DPF3: variants seen among roughly 807,000 people sequenced by gnomAD.
DPF3 encodes zinc finger protein DPF3.
A neutral mutation model predicts 56.8 loss-of-function variants in DPF3; 18 were observed. That is an observed-to-expected ratio of 0.32 (90% CI 0.22 to 0.47). DPF3 has a LOEUF of 0.47. DPF3 is among the 20% of genes least tolerant of loss of function. The pLI is 1.00. For missense variants in DPF3, 403 were observed against 488.8 expected (o/e 0.82, Z 1.65); for synonymous variants, 188 against 180.2 (o/e 1.04, Z -0.35).
chr14:72,864,550 G>A (rs1047963204), intron 1 of DPF3, among the ~76,000 whole-genome samples: 4 of 152,178 alleles, frequency 2.6e-5, no homozygotes, highest in African/African-American at 9.7e-5. Context: ...TGAGTGACTT[G>A]GGTTGTTTAT....
intron 2 of DPF3, among the ~76,000 whole-genome samples, chr14:72,753,715 T>G (rs2059047558): frequency 6.6e-6 from 1 of 152,164 alleles, no homozygotes; most frequent in Non-Finnish European, 1.5e-5. Context: ...TGGATCTCTA[T>G]CCACTGCCCC....
At chr14:72,709,204 G>A (rs1050862185) in intron 6 of DPF3, among the ~76,000 whole-genome samples, 7 of 152,212 alleles carry the variant, frequency 4.6e-5, no homozygotes, top group African/African-American at 1.4e-4. Context: ...AGCTGAAGAC[G>A]CACATCTGTA....
chr14:72,700,020 C>T (rs1479492021), intron 6 of DPF3, among the ~76,000 whole-genome samples: 1 of 152,172 alleles, frequency 6.6e-6, no homozygotes, highest in Non-Finnish European at 1.5e-5. Flanking sequence ...TTTTACCAGC[C>T]TATTCTGACT....
intron 9 of DPF3, among the ~76,000 whole-genome samples, chr14:72,622,415 A>C (rs1401535821): frequency 1.3e-5 from 2 of 152,184 alleles, no homozygotes; most frequent in Non-Finnish European, 2.9e-5. Flanking sequence ...GCTACAGGAC[A>C]ATTTGATTTA....
chr14:72,889,020 A>G (rs937868654), intron 1 of DPF3, among the ~76,000 whole-genome samples: 1 of 152,160 alleles, frequency 6.6e-6, no homozygotes, highest in African/African-American at 2.4e-5. Context: ...TATTTTTTGC[A>G]TTGATCTGAA....
At chr14:72,863,743 G>A (rs1885548226) in intron 1 of DPF3, among the ~76,000 whole-genome samples, 1 of 152,098 alleles carries the variant, frequency 6.6e-6, no homozygotes, top group Admixed American at 6.5e-5. Flanking sequence ...TTTACTCAAG[G>A]AACTCCAGCA....
intron 3 of DPF3, among the ~76,000 whole-genome samples, chr14:72,736,992 G>A (rs1267646261): frequency 2.0e-5 from 3 of 151,810 alleles, no homozygotes; most frequent in East Asian, 1.9e-4. Context: ...CTGGGCCCCC[G>A]TAAGCAGCTC....
At chr14:72,735,531 AAAGC>A (rs1420863934) in intron 3 of DPF3, among the ~76,000 whole-genome samples, 1 of 152,250 alleles carries the variant, frequency 6.6e-6, no homozygotes, top group African/African-American at 2.4e-5. Flanking sequence ...TGAAATGGAA[AAAGC>A]AAGAAGGGAT....
chr14:72,745,590 A>G (rs1247015525), intron 3 of DPF3, among the ~76,000 whole-genome samples: 2 of 152,172 alleles, frequency 1.3e-5, no homozygotes, highest in Admixed American at 6.5e-5. Flanking sequence ...TTGTACCTCA[A>G]AAAGGTCATA....
intron 1 of DPF3, among the ~76,000 whole-genome samples, chr14:72,864,434 G>A (rs1018626576): frequency 2.6e-5 from 4 of 152,244 alleles, no homozygotes; most frequent in Non-Finnish European, 4.4e-5. Context: ...CATGAAGGCA[G>A]GGACTTTGTT....
chr14:72,619,682 G>A (rs1884304505), intron 10 of DPF3, among the ~76,000 whole-genome samples: 1 of 152,156 alleles, frequency 6.6e-6, no homozygotes, highest in African/African-American at 2.4e-5. Context: ...AACTTCCTTG[G>A]CCCTCAAGTT....
intron 2 of DPF3, among the ~76,000 whole-genome samples, chr14:72,761,110 T>G (rs1326277669): frequency 1.3e-5 from 2 of 151,932 alleles, no homozygotes; most frequent in Non-Finnish European, 2.9e-5. Flanking sequence ...TAAGGAGAAA[T>G]AAGCAAACCC....
intron 4 of DPF3, among the ~76,000 whole-genome samples, chr14:72,726,396 C>G (rs1428756020): frequency 6.6e-6 from 1 of 152,156 alleles, no homozygotes; most frequent in African/African-American, 2.4e-5. Context: ...GAGCTAGTCC[C>G]CAGAGTGTCA....
At chr14:72,780,662 T>G (rs146767698) in intron 1 of DPF3, among the ~76,000 whole-genome samples, 119 of 152,300 alleles carry the variant, frequency 7.8e-4, no homozygotes, top group African/African-American at 2.8e-3. Context: ...CCTATTGAGT[T>G]TTTTCCCATA....
At chr14:72,885,026 G>C (rs1181283736) in intron 1 of DPF3, among the ~76,000 whole-genome samples, 1 of 136,896 alleles carries the variant, frequency 7.3e-6, no homozygotes, top group African/African-American at 2.6e-5. Context: ...GGCTGAGCCC[G>C]GGGAATGGGG....
intron 8 of DPF3, among the ~76,000 whole-genome samples, chr14:72,673,682 T>G (rs914433175): frequency 6.6e-6 from 1 of 152,234 alleles, no homozygotes; most frequent in Non-Finnish European, 1.5e-5. Flanking sequence ...TTTGCCTCAT[T>G]GATCTATCGG....
intron 1 of DPF3, chr14:72,773,827 T>G (rs1360402195): frequency 2.2e-6 from 1 of 455,500 alleles, no homozygotes. Flanking sequence ...GAATAATATT[T>G]TAAGTCAGAA....
rs1599302925 is a variant in DPF3, at chr14:72,616,241, T to C, written c.*3056A>G. Among the ~76,000 whole-genome samples, 1 of 152,194 alleles carries C rather than the reference T, an allele frequency of 6.6e-6. No homozygotes were observed. The highest frequency in any genetic ancestry group is 1.5e-5 in the Non-Finnish European group (1 of 68,028). On this transcript the variant is annotated 3_prime_UTR_variant, in exon 11 of 11. Coordinates refer to ENST00000556509, the MANE Select transcript of DPF3 (RefSeq NM_001280542.3). ...GTCAGCTAGAAAGTGGCAGTGTTGG[T>C]CGGAAAGTGAGCGTTACCCATGAAC...
At chr14:72,672,059 A>ACAC (rs1555494742) in intron 8 of DPF3, among the ~76,000 whole-genome samples, 1 of 63,708 alleles carries the variant, frequency 1.6e-5, no homozygotes, top group African/African-American at 4.7e-5. Context: ...ACACACACAC[A>ACAC]GACACACACA....
Sources: allele counts gnomAD v4.1 joint callset (sites outside exome capture counted in the v4.1 genomes callset), GRCh38; gene constraint gnomAD v4.1.1; transcripts MANE v1.5; gene names NCBI Gene and HGNC (gene_info 2026-07-23, HGNC 2026-07-21).